Variants in KDM3A observed in about 807,000 individuals in gnomAD.
The protein encoded by KDM3A is lysine demethylase 3A.
KDM3A carries 60 observed loss-of-function variants against 158.0 expected under a neutral mutation model. The observed-to-expected ratio is 0.38, with a 90% CI of 0.31 to 0.47. The LOEUF is 0.47. Among genes scored for constraint, KDM3A ranks in the 20% least tolerant of loss-of-function variants. The pLI is 0.99. For missense variants in KDM3A, 1,319 were observed against 1,574.3 expected, an observed-to-expected ratio of 0.84 and a Z score of 2.74; for synonymous variants, 608 against 549.3, an observed-to-expected ratio of 1.11 and a Z score of -1.49.
At position 86,481,967 on chromosome 2, in the gene KDM3A, C is replaced by CAA; in HGVS notation, c.2552_2553dup (p.Cys852AsnfsTer9). Reference sequence around the variant, plus strand: ...CAATGCCAATTTTAAAGAATGAAATCAAATGCCTTCCACCCCTCCCACCTT... The same window carrying CAA: ...CAATGCCAATTTTAAAGAATGAAATCAAAAATGCCTTCCACCCCTCCCACCTT... On this transcript the variant is annotated frameshift_variant, in exon 17 of 26. Coordinates refer to ENST00000312912, the MANE Select transcript of KDM3A (RefSeq NM_018433.6). LOFTEE classifies it high-confidence loss of function. 6.2e-7 allele frequency: 1 copy of CAA among 1,613,076 alleles called. No homozygotes were observed. The highest frequency in any genetic ancestry group is 8.5e-7 in the Non-Finnish European group (1 of 1,179,714).
rs1311428336 is a variant in KDM3A at position 86,490,892 on chromosome 2, G to A, written c.3585G>A (p.Glu1195=). Residue 1195 remains glutamate (E), a synonymous_variant, in exon 24 of 26, where the codon GAG becomes GAA. Coordinates refer to ENST00000312912, the MANE Select transcript of KDM3A (RefSeq NM_018433.6). ...TGAATGTATTCTAGGTATCAGAAGA[G>A]CAAGGTCAAGAAAACCCAGCAGACC... is the stretch of plus-strand genomic sequence containing the variant. ...IREFLKKVSE[E]QGQENPADHD... is the part of the protein sequence containing the mutation. 1 of 1,611,038 alleles carries A rather than the reference G, an allele frequency of 6.2e-7. No homozygotes were observed. The highest frequency in any genetic ancestry group is 2.2e-5 in the East Asian group (1 of 44,826).
At chr2:86,489,278 T>A in intron 21 of KDM3A, 40 bp from the exon 22 acceptor site, 1 of 1,599,410 alleles carries the variant, frequency 6.3e-7, no homozygotes, top group Non-Finnish European at 8.5e-7. Flanking sequence ...TGGCAGCCTT[T>A]GTTGTCTTTT....
At chr2:86,456,389 T>G in intron 5 of KDM3A, 53 bp from the exon 6 acceptor site, 1 of 1,271,346 alleles carries the variant, frequency 7.9e-7, no homozygotes, top group Middle Eastern at 2.8e-4. Flanking sequence ...GATGTTGCTA[T>G]TGGGAGATAA....
chr2:86,449,159 A>G (rs1223008208), intron 2 of KDM3A, among the ~76,000 whole-genome samples: 1 of 152,254 alleles, frequency 6.6e-6, no homozygotes, highest in Non-Finnish European at 1.5e-5. Flanking sequence ...TTTAACTTTC[A>G]TATAAGAAGC....
intron 11 of KDM3A, among the ~76,000 whole-genome samples, 156 bp downstream of exon 11, chr2:86,470,564 T>C (rs1339406341): frequency 1.3e-5 from 2 of 152,236 alleles, no homozygotes; most frequent in Non-Finnish European, 2.9e-5. Flanking sequence ...ATCTAGATCT[T>C]ATTGCATGTT....
Position 86,456,490 on chromosome 2 carries a change from C to T in KDM3A, c.605C>T (p.Pro202Leu), listed in dbSNP as rs778858877. The T allele has an allele frequency of 3.7e-6, 6 of 1,600,370 alleles. No individual in the cohort carries two copies. In the Admixed American group the frequency reaches 5.1e-5, roughly 14 times the overall value. The change falls in exon 6 of 26, where the codon CCA (proline) becomes CTA (leucine). Residue 202 changes from proline (P) to leucine (L), a missense_variant. Pro to Leu is a moderately conservative substitution (Grantham distance 98, BLOSUM62 -3). This residue lies in a region of KDM3A where 652 missense variants were observed against 627.2 expected (regional missense o/e 1.04). Coordinates refer to ENST00000312912, the MANE Select transcript of KDM3A (RefSeq NM_018433.6). ...GSEVKIYSLD[P>L]STQWFSATVI... ...GAAGTAAAAATTTATAGCTTGGACC[C>T]ATCTACTCAGTGGTTTTCAGCAACC... is the stretch of plus-strand genomic sequence containing the variant.
chr2:86,443,694 G>C (rs1420258251), intron 2 of KDM3A, among the ~76,000 whole-genome samples: 1 of 152,194 alleles, frequency 6.6e-6, no homozygotes, highest in East Asian at 1.9e-4. Flanking sequence ...CATCAGGCCA[G>C]TGATCAAGAG....
intron 2 of KDM3A, among the ~76,000 whole-genome samples, chr2:86,449,446 T>C (rs906446341): frequency 2.0e-5 from 3 of 152,232 alleles, no homozygotes; most frequent in Non-Finnish European, 4.4e-5. Context: ...AGTACATCTT[T>C]TGAGTTTCAA....
intron 11 of KDM3A, among the ~76,000 whole-genome samples, chr2:86,473,329 T>C (rs185112198): frequency 6.6e-6 from 1 of 152,070 alleles, no homozygotes; most frequent in African/African-American, 2.4e-5. Flanking sequence ...CCTGGCTAAT[T>C]AGAAAAATTT....
intron 5 of KDM3A, among the ~76,000 whole-genome samples, chr2:86,455,522 A>G (rs2104641422): frequency 6.6e-6 from 1 of 152,258 alleles, no homozygotes; most frequent in Non-Finnish European, 1.5e-5. Context: ...AGTGTGAGCC[A>G]TCACGCCGGG....
chr2:86,461,195 C>G (rs1189055795), intron 8 of KDM3A, among the ~76,000 whole-genome samples: 3 of 152,154 alleles, frequency 2.0e-5, no homozygotes, highest in Non-Finnish European at 4.4e-5. Context: ...AAATCCAGTA[C>G]TCTTCATCAC....
intron 21 of KDM3A, chr2:86,487,975 C>CT (rs1674265529): frequency 1.3e-5 from 2 of 152,202 alleles, no homozygotes; most frequent in South Asian, 2.1e-4. Flanking sequence ...CCTTTCCTTA[C>CT]TTTTCTTGCC....
intron 8 of KDM3A, among the ~76,000 whole-genome samples, chr2:86,459,232 C>G (rs540413267): frequency 6.6e-6 from 1 of 152,154 alleles, no homozygotes; most frequent in Admixed American, 6.5e-5. Context: ...TAGTAAGGCT[C>G]TGGGTAATTA....
At chr2:86,462,982 T>C (rs1403872906) in intron 8 of KDM3A, among the ~76,000 whole-genome samples, 1 of 152,106 alleles carries the variant, frequency 6.6e-6, no homozygotes, top group Admixed American at 6.5e-5. Context: ...TCCCAGCTAC[T>C]CGGGAGGCTG....
At chr2:86,466,943 C>CCA in intron 10 of KDM3A, 60 bp downstream of exon 10, 2 of 1,272,664 alleles carry the variant, frequency 1.6e-6, no homozygotes, top group Non-Finnish European at 2.2e-6. Flanking sequence ...ATATATATCT[C>CCA]TTTCTTGTCC....
intron 19 of KDM3A, among the ~76,000 whole-genome samples, 166 bp downstream of exon 19, chr2:86,484,324 A>C (rs1369886207): frequency 6.6e-6 from 1 of 152,162 alleles, no homozygotes; most frequent in African/African-American, 2.4e-5. Context: ...TATGCTTTTA[A>C]ACACTGAGGC....
Position 86,490,974 on chromosome 2 carries a change from C to T in KDM3A, c.3667C>T (p.His1223Tyr). ...YLDRSLRKRL[H>Y]QEYGVQGWAI... ...AGACCGATCATTAAGAAAACGTCTT[C>T]ATCAAGAGTATGGAGTTCAAGGCTG... Residue 1223 changes from histidine to tyrosine, a missense_variant, in exon 24 of 26, where the codon CAT becomes TAT. By Grantham distance (83) the His-to-Tyr change is moderately conservative. Around this residue, in one of 4 missense-constraint regions of KDM3A, gnomAD observed 186 missense variants for 340.9 expected, o/e 0.55. Coordinates refer to ENST00000312912, the MANE Select transcript of KDM3A (RefSeq NM_018433.6). The T allele has an allele frequency of 1.9e-6, 3 of 1,613,948 alleles. No individual in the cohort carries two copies. The highest frequency in any genetic ancestry group is 2.5e-6 in the Non-Finnish European group (3 of 1,179,854).
chr2:86,481,560 T>C (rs973477681), intron 16 of KDM3A, among the ~76,000 whole-genome samples: 1 of 152,046 alleles, frequency 6.6e-6, no homozygotes, highest in Non-Finnish European at 1.5e-5. Flanking sequence ...GTTTTCACTC[T>C]TTATTAAGCA....
intron 11 of KDM3A, among the ~76,000 whole-genome samples, chr2:86,471,317 GTA>G (rs1377319417): frequency 2.6e-5 from 4 of 151,290 alleles, no homozygotes; most frequent in African/African-American, 7.3e-5. Context: ...GTATATATGT[GTA>G]TATGTGTATG....
Sources: allele counts gnomAD v4.1 joint callset (sites outside exome capture counted in the v4.1 genomes callset), GRCh38; gene constraint gnomAD v4.1.1; regional missense constraint gnomAD v4.1.1; transcripts MANE v1.5; gene names NCBI Gene and HGNC (gene_info 2026-07-23, HGNC 2026-07-21).